Variants in RBFOX1 observed in about 807,000 individuals in gnomAD.
RBFOX1 encodes the protein RNA binding protein fox-1 homolog 1.
RBFOX1 carries 8 observed loss-of-function variants against 57.7 expected under a neutral mutation model. The ratio of observed to expected loss-of-function variants is 0.14; its 90% CI spans 0.08 to 0.25. RBFOX1 has a LOEUF of 0.25. RBFOX1 is among the 10% of genes least tolerant of loss of function. The probability of loss-of-function intolerance (pLI) is 1.00; values close to 1 mark genes in which losing one functional copy is unlikely to be tolerated. For synonymous variants in RBFOX1, 326 were observed against 222.4 expected (o/e 1.47, Z -4.15); for missense variants, 611 against 548.5 (o/e 1.11, Z -1.14).
At chr16:6,973,505 C>G (rs1432360534) in intron 3 of RBFOX1, among the ~76,000 whole-genome samples, 1 of 152,152 alleles carries the variant, frequency 6.6e-6, no homozygotes, top group Non-Finnish European at 1.5e-5. Context: ...TGAAATGCTC[C>G]TATTTCTAGG....
At chr16:6,670,949 G>A (rs1019145266) in intron 3 of RBFOX1, among the ~76,000 whole-genome samples, 1 of 152,128 alleles carries the variant, frequency 6.6e-6, no homozygotes, top group Admixed American at 6.5e-5. Flanking sequence ...GCAGCGAGCC[G>A]AGATCGTGCC....
intron 3 of RBFOX1, among the ~76,000 whole-genome samples, chr16:6,923,557 G>T (rs1225528662): frequency 6.6e-6 from 1 of 151,862 alleles, no homozygotes; most frequent in African/African-American, 2.4e-5. Context: ...AAAAAGATGT[G>T]GTATTCTGTT....
At chr16:5,841,395 C>T (rs1024762345) in intron 3 of RBFOX1, among the ~76,000 whole-genome samples, 2 of 152,184 alleles carry the variant, frequency 1.3e-5, no homozygotes, top group African/African-American at 4.8e-5. Flanking sequence ...ATCCATCAAC[C>T]TTCTTCCTCT....
chr16:7,361,270 G>A (rs376194091), intron 4 of RBFOX1, among the ~76,000 whole-genome samples: 5 of 152,160 alleles, frequency 3.3e-5, no homozygotes, highest in Admixed American at 6.5e-5. Flanking sequence ...TAGCCATTCC[G>A]TCTCGCTGGG....
At chr16:6,258,309 T>G (rs928996187) in intron 1 of RBFOX1, among the ~76,000 whole-genome samples, 2 of 151,902 alleles carry the variant, frequency 1.3e-5, no homozygotes, top group Non-Finnish European at 2.9e-5. Flanking sequence ...GAAGCTACAA[T>G]GACAGCAAAG....
At chr16:7,099,368 G>C (rs985925466) in intron 4 of RBFOX1, among the ~76,000 whole-genome samples, 3 of 152,130 alleles carry the variant, frequency 2.0e-5, no homozygotes, top group Non-Finnish European at 4.4e-5. Flanking sequence ...TCTTTCTTGG[G>C]TGTTTTATTT....
chr16:6,656,926 T>TTTCCTCTCCTCC (rs1568078122), intron 3 of RBFOX1, among the ~76,000 whole-genome samples: 1 of 117,896 alleles, frequency 8.5e-6, no homozygotes, highest in Admixed American at 9.2e-5. Flanking sequence ...CCCTCTCCTC[T>TTTCCTCTCCTCC]CCTCCCCTCT....
chr16:6,669,987 A>G (rs185736737), intron 3 of RBFOX1, among the ~76,000 whole-genome samples: 1 of 152,276 alleles, frequency 6.6e-6, no homozygotes, highest in African/African-American at 2.4e-5. Flanking sequence ...ACTTACAGTA[A>G]GGAAAATCTA....
intron 2 of RBFOX1, among the ~76,000 whole-genome samples, chr16:6,472,536 G>A (rs2095200525): frequency 1.3e-5 from 2 of 152,010 alleles, no homozygotes; most frequent in Non-Finnish European, 2.9e-5. Flanking sequence ...TGGAGTGAAG[G>A]GATTTGGGGA....
chr16:5,924,160 C>T (rs2058894114), intron 4 of RBFOX1, among the ~76,000 whole-genome samples: 2 of 152,130 alleles, frequency 1.3e-5, no homozygotes, highest in South Asian at 4.1e-4. Flanking sequence ...TCTCCTTTGC[C>T]TTCTGCCATT....
intron 4 of RBFOX1, among the ~76,000 whole-genome samples, chr16:7,297,632 C>G (rs2095925372): frequency 6.6e-6 from 1 of 151,830 alleles, no homozygotes; most frequent in Non-Finnish European, 1.5e-5. Flanking sequence ...AAAGTTACCA[C>G]CATTAAAAAA....
At chr16:5,763,966 A>G (rs557744252) in intron 3 of RBFOX1, among the ~76,000 whole-genome samples, 15 of 152,240 alleles carry the variant, frequency 9.9e-5, no homozygotes, top group South Asian at 4.1e-4. Context: ...TTACTCGTCT[A>G]TCTCCTATGC....
chr16:5,428,105 GGTGTGTGTGTGTGTGTCTGT>G (rs754607195), intron 1 of RBFOX1, among the ~76,000 whole-genome samples: 6,778 of 138,042 alleles, frequency 0.049, 167 homozygotes, highest in African/African-American at 0.067. Flanking sequence ...GCTCTGGAAG[GGTGTGTGTGTGTGTGTCTGT>G]GTGTGTGTGT....
At chr16:6,664,418 G>A (rs965204502) in intron 3 of RBFOX1, among the ~76,000 whole-genome samples, 1 of 152,142 alleles carries the variant, frequency 6.6e-6, no homozygotes, top group African/African-American at 2.4e-5. Context: ...AAATGTGCGC[G>A]GTCATCTAGC....
chr16:6,416,233 A>G (rs1330647400), intron 2 of RBFOX1, among the ~76,000 whole-genome samples: 1 of 152,128 alleles, frequency 6.6e-6, no homozygotes, highest in Non-Finnish European at 1.5e-5. Context: ...CATCGGGTGG[A>G]TTTATTTTCT....
At chr16:7,709,571 A>G in intron 15 of RBFOX1, 1 of 1,529,722 alleles carries the variant, frequency 6.5e-7, no homozygotes, top group Non-Finnish European at 8.8e-7. Flanking sequence ...CAGGCAGCTG[A>G]GAATCTGACT....
intron 4 of RBFOX1, among the ~76,000 whole-genome samples, chr16:7,341,748 CTCCCTCCT>C (rs1272070196): frequency 1.1e-3 from 126 of 118,524 alleles, no homozygotes; most frequent in Non-Finnish European, 2.0e-3. Context: ...CCCTCCCTCC[CTCCCTCCT>C]TCCCTCCTTC....
intron 4 of RBFOX1, among the ~76,000 whole-genome samples, chr16:7,364,063 C>G (rs755013892): frequency 6.6e-6 from 1 of 152,244 alleles, no homozygotes; most frequent in Non-Finnish European, 1.5e-5. Flanking sequence ...TTTGGGACTC[C>G]CAAGTCCTAT....
intron 1 of RBFOX1, among the ~76,000 whole-genome samples, chr16:6,046,459 C>A (rs140828598): frequency 6.6e-6 from 1 of 152,072 alleles, no homozygotes; most frequent in African/African-American, 2.4e-5. Flanking sequence ...CTTTCAAGTG[C>A]GGATTTAAGA....
Sources: gnomAD v4.1 joint callset for allele counts (sites outside exome capture counted in the v4.1 genomes callset) on GRCh38, gnomAD v4.1.1 for gene constraint, MANE v1.5 for transcripts, NCBI Gene and HGNC (gene_info 2026-07-23, HGNC 2026-07-21) for gene names.